Variants in PTPRJ observed in about 807,000 individuals in gnomAD.
The protein encoded by PTPRJ is protein tyrosine phosphatase receptor type J, also known as receptor-type tyrosine-protein phosphatase eta.
PTPRJ carries 129 observed loss-of-function variants against 141.3 expected under a neutral mutation model. The observed-to-expected ratio is 0.91, with a 90% CI of 0.79 to 1.06. PTPRJ has a LOEUF of 1.06. Ranked by LOEUF, PTPRJ falls within the 50% of genes least tolerant of loss-of-function variation. The pLI is 0.00. For synonymous variants in PTPRJ, 610 were observed against 640.5 expected, an observed-to-expected ratio of 0.95 and a Z score of 0.72; for missense variants, 1,601 against 1,679.7, an observed-to-expected ratio of 0.95 and a Z score of 0.82.
chr11:48,009,258 A>G (rs1452684909), intron 1 of PTPRJ, among the ~76,000 whole-genome samples: 1 of 152,228 alleles, frequency 6.6e-6, no homozygotes, highest in African/African-American at 2.4e-5. Context: ...TTTATGCTAT[A>G]AGAAATTTAA....
At position 48,133,279 on chromosome 11, in the gene PTPRJ, T is replaced by TA. The variant is rs1459316858; in HGVS notation, c.1615+2564dup. ...CATGTAGATTGACACTTTGATGTGGTACAGCAGTAAAGTTTAGTATTAGTG... is the reference window on the plus strand; with the variant it reads ...CATGTAGATTGACACTTTGATGTGGTAACAGCAGTAAAGTTTAGTATTAGTG... On this transcript the variant is annotated intron_variant, in intron 8 of 24. Transcript: ENST00000418331. Among the ~76,000 whole-genome samples the TA allele has an allele frequency of 2.6e-4, 40 of 152,354 alleles. No homozygotes were observed. In the East Asian group the frequency reaches 6.9e-3, roughly 26 times the overall value.
In PTPRJ at chr11:47,981,025, C is replaced by T. The variant is rs1476801781; in HGVS notation, c.96+17C>T. The T allele has an allele frequency of 3.0e-5, 34 of 1,147,040 alleles. No individual in the cohort carries two copies. The highest frequency in any genetic ancestry group is 3.6e-5 in the Non-Finnish European group (33 of 924,832). 71.1% of individuals were successfully genotyped at this position (1,147,040 alleles called of 1,614,324 possible). A position where few individuals can be genotyped will look rare whatever the true frequency, so the allele number is the denominator to read the frequency against. ...CTGGGCCAGGTAAGCGCCGGGTGGGCTCGGGCGGGGGGCAGGAGGCTGGGG... is the reference window on the plus strand; with the variant it reads ...CTGGGCCAGGTAAGCGCCGGGTGGGTTCGGGCGGGGGGCAGGAGGCTGGGG... On this transcript the variant is annotated intron_variant, in intron 1 of 24. Transcript: ENST00000418331.
chr11:48,094,754 T>A (rs1855961221), intron 1 of PTPRJ, among the ~76,000 whole-genome samples: 2 of 152,302 alleles, frequency 1.3e-5, no homozygotes, highest in South Asian at 4.2e-4. Flanking sequence ...GCGCAGAAGT[T>A]CTGGGTAACA....
intron 15 of PTPRJ, among the ~76,000 whole-genome samples, chr11:48,148,753 A>G (rs921205398): frequency 6.6e-6 from 1 of 152,144 alleles, no homozygotes; most frequent in Non-Finnish European, 1.5e-5. Context: ...CATCATTTTA[A>G]GTGGCTACAG....
chr11:48,056,635 G>A (rs1309572046), intron 1 of PTPRJ, among the ~76,000 whole-genome samples: 1 of 152,178 alleles, frequency 6.6e-6, no homozygotes, highest in African/African-American at 2.4e-5. Flanking sequence ...GGTAGGTGCT[G>A]TTCTAATCTC....
intron 1 of PTPRJ, among the ~76,000 whole-genome samples, chr11:47,983,231 A>G (rs1319340070): frequency 6.6e-6 from 1 of 152,044 alleles, no homozygotes; most frequent in South Asian, 2.1e-4. Flanking sequence ...TTTTAATGAT[A>G]GGGACGTATC....
Position 48,150,180 on chromosome 11 carries a change from C to T in PTPRJ, c.3135C>T (p.Tyr1045=), listed in dbSNP as rs368407462. The change falls in exon 18 of 25, where the codon TAC becomes TAT. Residue 1045 remains tyrosine, a synonymous_variant. Transcript: ENST00000418331. ...CCAACTGTGGGTTCGCAGAGGAATACGAAGTATGTTGCTGTAAATACTGTT... is the reference window on the plus strand; with the variant it reads ...CCAACTGTGGGTTCGCAGAGGAATATGAAGTATGTTGCTGTAAATACTGTT... ...ADSNCGFAEE[Y]EDLKLVGISQ... is the part of the protein sequence containing the mutation. 448 of 1,612,960 alleles carry T rather than the reference C, an allele frequency of 2.8e-4. No homozygotes were observed. Among genetic ancestry groups the T allele is most frequent in the Non-Finnish European group, 3.7e-4 (432 of 1,179,180 alleles).
intron 1 of PTPRJ, among the ~76,000 whole-genome samples, chr11:48,095,164 G>T (rs1395425299): frequency 1.3e-5 from 2 of 152,176 alleles, no homozygotes; most frequent in African/African-American, 2.4e-5. Context: ...TGGAACAGGG[G>T]ATTATTTGAG....
At chr11:48,029,417 G>A (rs1361316173) in intron 1 of PTPRJ, among the ~76,000 whole-genome samples, 3 of 152,168 alleles carry the variant, frequency 2.0e-5, no homozygotes, top group Admixed American at 6.5e-5. Flanking sequence ...AGAATTACTT[G>A]TTCCCTTTTC....
intron 8 of PTPRJ, among the ~76,000 whole-genome samples, chr11:48,133,484 G>A (rs186232649): frequency 6.6e-6 from 1 of 152,214 alleles, no homozygotes; most frequent in East Asian, 1.9e-4. Context: ...AAACTCTTAG[G>A]GGGGTTACCT....
At chr11:48,076,282 T>A (rs1279568306) in intron 1 of PTPRJ, among the ~76,000 whole-genome samples, 4 of 152,262 alleles carry the variant, frequency 2.6e-5, no homozygotes, top group Admixed American at 2.0e-4. Flanking sequence ...ACCTCTTCTG[T>A]TTCTCTAATG....
chr11:48,139,060 G>A (rs1857170692), intron 10 of PTPRJ, among the ~76,000 whole-genome samples: 1 of 152,192 alleles, frequency 6.6e-6, no homozygotes, highest in Admixed American at 6.5e-5. Context: ...TTGAACCCGG[G>A]AGGTGGACGT....
At chr11:48,127,220 C>T (rs139022162) in intron 6 of PTPRJ, among the ~76,000 whole-genome samples, 120 of 152,272 alleles carry the variant, frequency 7.9e-4, no homozygotes, top group African/African-American at 2.8e-3. Flanking sequence ...GTGGATATGT[C>T]GGGAGGGTGG....
At chr11:48,092,724 C>T (rs928646409) in intron 1 of PTPRJ, among the ~76,000 whole-genome samples, 18 of 152,204 alleles carry the variant, frequency 1.2e-4, no homozygotes, top group African/African-American at 3.6e-4. Flanking sequence ...ACTACTGCGC[C>T]GGGCTTGAGT....
rs1293479260 is a variant in PTPRJ at position 48,105,372 on chromosome 11, A to G, written c.97-4686A>G. Among the ~76,000 whole-genome samples the G allele has an allele frequency of 2.6e-5, 4 of 152,168 alleles. No homozygotes were observed. The East Asian group carries it at 7.7e-4, about 29-fold the overall frequency. On this transcript the variant is annotated intron_variant, in intron 1 of 24. Transcript: ENST00000418331. ...GGCCACAATTAGCAGCATGGACAAC[A>G]GCATGGACGGAGAGGGTCTCAGAGC...
intron 24 of PTPRJ, among the ~76,000 whole-genome samples, chr11:48,166,026 A>G (rs897769780): frequency 6.6e-6 from 1 of 151,148 alleles, no homozygotes; most frequent in Non-Finnish European, 1.5e-5. Flanking sequence ...ATGCCCAGCT[A>G]ATTTTTTTTT....
At chr11:48,152,069 T>TA (rs1447500177) in intron 18 of PTPRJ, among the ~76,000 whole-genome samples, 1 of 152,258 alleles carries the variant, frequency 6.6e-6, no homozygotes, top group African/African-American at 2.4e-5. Flanking sequence ...AACAACAGTG[T>TA]AAAAGTGTTG....
chr11:48,094,347 A>G (rs1211314241), intron 1 of PTPRJ, among the ~76,000 whole-genome samples: 8 of 152,206 alleles, frequency 5.3e-5, no homozygotes, highest in Admixed American at 1.3e-4. Context: ...GCGAATGGCA[A>G]TAAAGTCATT....
In PTPRJ at chr11:48,169,651, T is replaced by G. The variant is rs1355247714; in HGVS notation, c.*2289T>G. On this transcript the variant is annotated 3_prime_UTR_variant, in exon 25 of 25. Coordinates refer to ENST00000418331, the MANE Select transcript of PTPRJ (RefSeq NM_002843.4). ...GCTCCTAAGCCCTGCTCTGCCCACA[T>G]CACTGCCACAGAGAAGTCAGAGGAA... The G allele has an allele frequency of 6.6e-6, 1 of 152,236 alleles. No homozygotes were observed. Among genetic ancestry groups the G allele is most frequent in the Non-Finnish European group, 1.5e-5 (1 of 68,070 alleles). 9.4% of individuals were successfully genotyped at this position (152,236 alleles called of 1,614,324 possible).
Sources: allele counts gnomAD v4.1 joint callset (sites outside exome capture counted in the v4.1 genomes callset), GRCh38; gene constraint gnomAD v4.1.1; transcripts MANE v1.5; gene names NCBI Gene and HGNC (gene_info 2026-07-23, HGNC 2026-07-21).